Variants in IGF2R observed in about 807,000 individuals in gnomAD.
IGF2R encodes the protein cation-independent mannose-6-phosphate receptor.
In IGF2R, 91 loss-of-function variants were observed where a neutral mutation model predicts 270.6. The ratio of observed to expected loss-of-function variants is 0.34; its 90% CI spans 0.28 to 0.40. The LOEUF (loss-of-function observed/expected upper bound fraction) is 0.40. Among genes scored for constraint, IGF2R ranks in the 10% least tolerant of loss-of-function variants. IGF2R has a pLI of 1.00. For synonymous variants in IGF2R, 1,316 were observed against 1,258.9 expected, an observed-to-expected ratio of 1.05 and a Z score of -0.96; for missense variants, 2,805 against 3,188.3, an observed-to-expected ratio of 0.88 and a Z score of 2.90.
intron 4 of IGF2R, among the ~76,000 whole-genome samples, chr6:160,023,480 C>T (rs1777481919): frequency 6.6e-6 from 1 of 152,078 alleles, no homozygotes; most frequent in Non-Finnish European, 1.5e-5. Flanking sequence ...TAAACAACAG[C>T]AATAAATAAC....
intron 13 of IGF2R, 83 bp downstream of exon 13, chr6:160,044,740 A>G (rs1181135339): frequency 6.5e-6 from 7 of 1,083,186 alleles, no homozygotes; most frequent in Non-Finnish European, 9.4e-6. Context: ...CTCATCAGTC[A>G]CTGCAAAGCT....
chr6:159,994,431 G>A (rs1784022464), intron 2 of IGF2R, among the ~76,000 whole-genome samples: 1 of 151,382 alleles, frequency 6.6e-6, no homozygotes, highest in Non-Finnish European at 1.5e-5. Context: ...CATTTTTTGG[G>A]GGGGGTCTCA....
Position 160,079,706 on chromosome 6 carries a change from C to T in IGF2R, c.5605C>T (p.Leu1869=). 1 of 1,514,098 alleles carries T rather than the reference C, an allele frequency of 6.6e-7. No individual in the cohort carries two copies. Among genetic ancestry groups the T allele is most frequent in the Non-Finnish European group, 8.8e-7 (1 of 1,132,058 alleles). 93.8% of individuals were successfully genotyped at this position (1,514,098 alleles called of 1,614,324 possible). A position where few individuals can be genotyped will look rare whatever the true frequency, so the allele number is the denominator to read the frequency against. ...CACCAAGGGGGCATCCTTTGGACGG[C>T]TGCAATCAATGAAACTGGATTACAG... ...SGTKGASFGR[L]QSMKLDYRHQ... is the part of the protein sequence containing the mutation. The change falls in exon 38 of 48, where the codon CTG becomes TTG. Residue 1869 remains leucine, a synonymous_variant. Coordinates refer to ENST00000356956, the MANE Select transcript of IGF2R (RefSeq NM_000876.4).
At chr6:160,044,481 A>T in intron 12 of IGF2R, 33 bp from the exon 13 acceptor site, 1 of 1,534,348 alleles carries the variant, frequency 6.5e-7, no homozygotes, top group Non-Finnish European at 8.9e-7. Flanking sequence ...ATTTTTAACC[A>T]CATCTTCTGT....
Position 160,050,363 on chromosome 6 carries a change from G to T in IGF2R, c.2515-110G>T. Reference sequence around the variant, plus strand: ...GGATTTCCCCAGGAGCAGTGGTTCTGTATTCAATAATTCATTGTTTGCTGC... The same window carrying T: ...GGATTTCCCCAGGAGCAGTGGTTCTTTATTCAATAATTCATTGTTTGCTGC... On this transcript the variant is annotated intron_variant, in intron 18 of 47. Transcript: ENST00000356956. This position sits in a 1 kb window ranked among gnomAD's most constrained non-coding sequence, Gnocchi z 4.0. 1 of 1,093,442 alleles carries T rather than the reference G, an allele frequency of 9.1e-7. No homozygotes were observed. The allele number at this position is 1,093,442 out of a possible 1,614,324, so 67.7% of individuals were successfully genotyped here.
At chr6:159,981,656 T>C (rs924049273) in intron 1 of IGF2R, among the ~76,000 whole-genome samples, 1 of 152,234 alleles carries the variant, frequency 6.6e-6, no homozygotes, top group Admixed American at 6.5e-5. Context: ...GTCGAGGAAG[T>C]TGAGCTGGGA....
chr6:160,061,037 GA>G (rs1023927984), intron 23 of IGF2R, among the ~76,000 whole-genome samples: 3 of 150,458 alleles, frequency 2.0e-5, no homozygotes, highest in Non-Finnish European at 4.4e-5. Flanking sequence ...ATTTGAGGGT[GA>G]AAAAAAAAGA....
At position 160,048,507 on chromosome 6, in the gene IGF2R, T is replaced by C. The variant is rs765096473; in HGVS notation, c.2478T>C (p.Tyr826=). ...PLNPVPGCNR[Y]ASACQMKYEK... ...ATCCAGTGCCGGGCTGCAACCGATA[T>C]GCATCGGCTTGCCAGATGAAGTATG... Residue 826 remains tyrosine (Y), a synonymous_variant, in exon 18 of 48, where the codon TAT becomes TAC. Transcript: ENST00000356956. The C allele has an allele frequency of 9.3e-6, 15 of 1,613,864 alleles. No individual in the cohort carries two copies. The highest frequency in any genetic ancestry group is 2.2e-5 in the South Asian group (2 of 91,004).
intron 20 of IGF2R, among the ~76,000 whole-genome samples, chr6:160,056,758 T>G (rs1778326002): frequency 6.6e-6 from 1 of 152,258 alleles, no homozygotes; most frequent in African/African-American, 2.4e-5. Context: ...TGTAGTTTCC[T>G]TCCTTTTGTT....
At chr6:160,051,953 CA>C (rs879761244) in intron 19 of IGF2R, among the ~76,000 whole-genome samples, 151 of 139,330 alleles carry the variant, frequency 1.1e-3, no homozygotes, top group African/African-American at 1.4e-3. Context: ...GCCCCTGTCT[CA>C]AAAAAAAAAA....
At chr6:160,034,139 A>T (rs1777760467) in intron 9 of IGF2R, among the ~76,000 whole-genome samples, 1 of 152,218 alleles carries the variant, frequency 6.6e-6, no homozygotes, top group Non-Finnish European at 1.5e-5. Context: ...TTTGTACGAA[A>T]TCTAAAAGTG....
chr6:160,037,674 A>G (rs942491096), intron 10 of IGF2R, among the ~76,000 whole-genome samples: 3 of 152,048 alleles, frequency 2.0e-5, no homozygotes, highest in African/African-American at 7.2e-5. Flanking sequence ...ATGTTAGATA[A>G]TTTTTTGGAA....
chr6:160,106,619 C>CT lies in IGF2R; in HGVS notation c.*1539dup, dbSNP rs1779627250. ...GCGAGTTACCCATCTGCCTGCCTGT[C>CT]TTTTCTTTCTGTTAAGTGACTGAAT... On this transcript the variant is annotated 3_prime_UTR_variant, in exon 48 of 48. Transcript: ENST00000356956. 1 of 152,108 alleles carries CT rather than the reference C, an allele frequency of 6.6e-6. No individual in the cohort carries two copies. Among genetic ancestry groups the CT allele is most frequent in the Admixed American group, 6.5e-5 (1 of 15,274 alleles). 9.4% of individuals were successfully genotyped at this position (152,108 alleles called of 1,614,324 possible).
intron 1 of IGF2R, among the ~76,000 whole-genome samples, chr6:159,977,996 T>TGTAGTG (rs776620904): frequency 6.6e-6 from 1 of 152,190 alleles, no homozygotes; most frequent in Non-Finnish European, 1.5e-5. Flanking sequence ...TCATTGGTGC[T>TGTAGTG]GTAGTGGTAG....
Position 160,084,305 on chromosome 6 carries a change from A to G in IGF2R, c.6068+121A>G, listed in dbSNP as rs1024933593. 3 of 649,036 alleles carry G rather than the reference A, an allele frequency of 4.6e-6. No individual in the cohort carries two copies. The highest frequency in any genetic ancestry group is 8.2e-6 in the Non-Finnish European group (3 of 364,232). The allele number at this position is 649,036 out of a possible 1,614,324, so 40.2% of individuals were successfully genotyped here. A position where few individuals can be genotyped will look rare whatever the true frequency, so the allele number is the denominator to read the frequency against. On this transcript the variant is annotated intron_variant, in intron 40 of 47. Coordinates refer to ENST00000356956, the MANE Select transcript of IGF2R (RefSeq NM_000876.4). The surrounding 1 kb of genome is among the most constrained non-coding windows in gnomAD (Gnocchi z 4.6). ...GGAATACTATGCCCATGTGAGGCTG[A>G]TGGTGGTTGAGTTGTGACTGTTCCT...
intron 45 of IGF2R, among the ~76,000 whole-genome samples, chr6:160,100,934 G>T (rs1779472712): frequency 1.3e-5 from 2 of 150,984 alleles, no homozygotes; most frequent in Non-Finnish European, 2.9e-5. Context: ...GGGATTATGG[G>T]CGTGTGCCAC....
chr6:160,053,351 C>G (rs1221509629), intron 19 of IGF2R, among the ~76,000 whole-genome samples: 1 of 152,036 alleles, frequency 6.6e-6, no homozygotes, highest in African/African-American at 2.4e-5. Context: ...CAACATGGCA[C>G]ATGTATACCT....
intron 4 of IGF2R, among the ~76,000 whole-genome samples, chr6:160,015,071 C>CT (rs1188710323): frequency 2.6e-5 from 4 of 152,198 alleles, no homozygotes; most frequent in Admixed American, 1.3e-4. Context: ...CCATGAATCT[C>CT]TGACAGCAGG....
At chr6:160,046,798 A>G (rs1778078081) in intron 15 of IGF2R, among the ~76,000 whole-genome samples, 153 bp downstream of exon 15, 1 of 152,222 alleles carries the variant, frequency 6.6e-6, no homozygotes, top group African/African-American at 2.4e-5. Flanking sequence ...GGATGTTAGG[A>G]GTTTAATTTC....
Sources: allele counts gnomAD v4.1 joint callset (sites outside exome capture counted in the v4.1 genomes callset), GRCh38; gene constraint gnomAD v4.1.1; non-coding constraint Gnocchi (gnomAD v3.1); transcripts MANE v1.5; gene names NCBI Gene and HGNC (gene_info 2026-07-23, HGNC 2026-07-21).